The following MON2 variants were observed in gnomAD, a reference collection of about 807,000 sequenced individuals.
MON2 encodes the protein protein MON2 homolog.
Under a neutral mutation model 208.6 loss-of-function variants are expected in MON2, and 84 were observed. That is an observed-to-expected ratio of 0.40 (90% CI 0.34 to 0.48). The LOEUF is 0.48. Ranked by LOEUF, MON2 falls within the 20% of genes least tolerant of loss-of-function variation. The probability of loss-of-function intolerance (pLI) is 0.59; values close to 1 mark genes in which losing one functional copy is unlikely to be tolerated. For synonymous variants in MON2, 660 were observed against 694.0 expected (o/e 0.95, Z 0.77); for missense variants, 1,611 against 2,015.4 (o/e 0.80, Z 3.84).
chr12:62,549,658 T>C lies in MON2; in HGVS notation c.2754-10T>C. 1 of 1,581,828 alleles carries C rather than the reference T, an allele frequency of 6.3e-7. No homozygotes were observed. On this transcript the variant is annotated splice_polypyrimidine_tract_variant and intron_variant, in intron 22 of 34. Coordinates refer to ENST00000393630, the MANE Select transcript of MON2 (RefSeq NM_015026.3). Reference sequence around the variant, plus strand: ...ATAAGTGCATCTGTATACATTTCTTTTGTTTTCAGAGAATCCTTGATACGA... The same window carrying C: ...ATAAGTGCATCTGTATACATTTCTTCTGTTTTCAGAGAATCCTTGATACGA...
intron 2 of MON2, among the ~76,000 whole-genome samples, chr12:62,491,166 T>C (rs1164706570): frequency 2.7e-4 from 41 of 152,294 alleles, no homozygotes; most frequent in Non-Finnish European, 1.2e-4. Flanking sequence ...ACCCTAGTTA[T>C]TGAAAACTTT....
intron 29 of MON2, among the ~76,000 whole-genome samples, chr12:62,567,795 G>GT (rs2074437804): frequency 1.3e-5 from 2 of 152,202 alleles, no homozygotes. Context: ...TAATACTACA[G>GT]TATGTTAAGT....
intron 29 of MON2, among the ~76,000 whole-genome samples, chr12:62,566,946 G>C (rs1245091039): frequency 1.2e-4 from 19 of 152,172 alleles, no homozygotes; most frequent in Admixed American, 1.2e-3. Flanking sequence ...GGGTTTCTTA[G>C]GACAATATTC....
At chr12:62,475,562 T>C (rs918287675) in intron 1 of MON2, among the ~76,000 whole-genome samples, 2 of 151,666 alleles carry the variant, frequency 1.3e-5, no homozygotes, top group African/African-American at 2.4e-5. Flanking sequence ...ATTTAGCATT[T>C]AGTAATTTAG....
chr12:62,534,887 G>A lies in MON2; in HGVS notation c.1676G>A (p.Cys559Tyr). 6.2e-7 allele frequency: 1 copy of A among 1,612,318 alleles called. No individual in the cohort carries two copies. The highest frequency in any genetic ancestry group is 1.3e-5 in the African/African-American group (1 of 74,828). The part of the protein sequence containing the change: ...VWEEMVNACW[C>Y]GLLAALSLLL... ...GAAGAAATGGTGAATGCCTGCTGGT[G>A]TGGTCTTCTTGCTGCACTCTCACTC... Residue 559 changes from cysteine (C) to tyrosine (Y), a missense_variant, in exon 13 of 35, where the codon TGT becomes TAT. By Grantham distance (194) the Cys-to-Tyr change is radical (BLOSUM62 -2). Transcript: ENST00000393630.
At position 62,579,604 on chromosome 12, in the gene MON2, T is replaced by C. The variant is rs1283095158; in HGVS notation, c.4576-693T>C. Reference sequence around the variant, plus strand: ...AGCTGGGCGTGGTGGTGGGCCCCTGTAGTCCCAGCTACTTGGGAGGCTGAG... The same window carrying C: ...AGCTGGGCGTGGTGGTGGGCCCCTGCAGTCCCAGCTACTTGGGAGGCTGAG... On this transcript the variant is annotated intron_variant, in intron 31 of 34. Transcript: ENST00000393630. 5.3e-5 allele frequency among the ~76,000 whole-genome samples: 8 copies of C among 150,680 alleles called. No individual in the cohort carries two copies. The East Asian group carries it at 1.6e-3, about 29-fold the overall frequency.
Position 62,546,154 on chromosome 12 carries a change from A to G in MON2, c.2578-743A>G, listed in dbSNP as rs184537336. Reference sequence around the variant, plus strand: ...ATTTTTTATAAGTATTATAGCTTCTATTACTACATCACACTTGAGAATTTT... The same window carrying G: ...ATTTTTTATAAGTATTATAGCTTCTGTTACTACATCACACTTGAGAATTTT... On this transcript the variant is annotated intron_variant, in intron 21 of 34. Transcript: ENST00000393630. Among the ~76,000 whole-genome samples the G allele has an allele frequency of 1.5e-4, 23 of 152,250 alleles. 1 individual carries two copies. In the East Asian group the frequency reaches 4.3e-3, roughly 28 times the overall value.
At chr12:62,553,229 A>G in intron 24 of MON2, 55 bp downstream of exon 24, 1 of 1,409,666 alleles carries the variant, frequency 7.1e-7, no homozygotes, top group Non-Finnish European at 9.7e-7. Context: ...TTATATATTA[A>G]TACTTTTTCA....
intron 32 of MON2, 108 bp from the exon 33 acceptor site, chr12:62,585,186 T>C (rs994353467): frequency 1.2e-6 from 1 of 832,184 alleles, no homozygotes; most frequent in Non-Finnish European, 1.9e-6. Context: ...CTAGGTGCCT[T>C]TCACCAGATT....
chr12:62,514,186 G>A (rs914346431), intron 8 of MON2, among the ~76,000 whole-genome samples: 1 of 152,130 alleles, frequency 6.6e-6, no homozygotes, highest in African/African-American at 2.4e-5. Flanking sequence ...TTTGGTCAAA[G>A]CCATTCAAGT....
At chr12:62,559,051 G>A (rs1212617374) in intron 25 of MON2, among the ~76,000 whole-genome samples, 2 of 152,062 alleles carry the variant, frequency 1.3e-5, no homozygotes, top group African/African-American at 4.8e-5. Flanking sequence ...AACTAGGCAG[G>A]TGTTACAGTT....
Position 62,466,943 on chromosome 12 carries a change from C to T in MON2, c.-265C>T, listed in dbSNP as rs1244841864. ...GGCCCCGCGGCAGCGGAGGGACCTG[C>T]CCGCCTTGTGGGTTTCTCGGCCAGA... On this transcript the variant is annotated 5_prime_UTR_variant, in exon 1 of 35. Transcript: ENST00000393630. The T allele has an allele frequency of 3.9e-6, 2 of 513,038 alleles. No individual in the cohort carries two copies. The highest frequency in any genetic ancestry group is 3.3e-5 in the East Asian group (1 of 30,196). The allele number at this position is 513,038 out of a possible 1,614,324, so 31.8% of individuals were successfully genotyped here. A position where few individuals can be genotyped will look rare whatever the true frequency, so the allele number is the denominator to read the frequency against.
chr12:62,467,356 C>T lies in MON2; in HGVS notation c.111+38C>T, dbSNP rs533078819. 14 of 1,512,028 alleles carry T rather than the reference C, an allele frequency of 9.3e-6. No individual in the cohort carries two copies. The South Asian group carries it at 1.6e-4, about 17-fold the overall frequency. 93.7% of individuals were successfully genotyped at this position (1,512,028 alleles called of 1,614,324 possible). ...TGACGTCAGGAGAAGGCACTGTGAG[C>T]ATGCCTGGTCCTGTTAGACTCAGTG... On this transcript the variant is annotated intron_variant, in intron 1 of 34. Coordinates refer to ENST00000393630, the MANE Select transcript of MON2 (RefSeq NM_015026.3).
chr12:62,582,257 A>C (rs2136462770), intron 32 of MON2, among the ~76,000 whole-genome samples: 1 of 152,354 alleles, frequency 6.6e-6, no homozygotes, highest in South Asian at 2.1e-4. Context: ...TTTTCTGATA[A>C]TATATCTTGC....
Position 62,567,855 on chromosome 12 carries a change from G to C in MON2, c.4323+1405G>C, listed in dbSNP as rs572857913. On this transcript the variant is annotated intron_variant, in intron 29 of 34. Transcript: ENST00000393630. Reference sequence around the variant, plus strand: ...CTTTGCATTCAGATAGCCTGACTTCGAATAGTCCACTGTTACTGGCTTACT... The same window carrying C: ...CTTTGCATTCAGATAGCCTGACTTCCAATAGTCCACTGTTACTGGCTTACT... Among the ~76,000 whole-genome samples, 8 of 152,272 alleles carry C rather than the reference G, an allele frequency of 5.3e-5. No individual in the cohort carries two copies. In the South Asian group the frequency reaches 1.5e-3, roughly 28 times the overall value.
At chr12:62,588,241 T>C (rs2075281826) in intron 34 of MON2, 85 bp downstream of exon 34, 3 of 906,130 alleles carry the variant, frequency 3.3e-6, no homozygotes, top group Non-Finnish European at 5.1e-6. Context: ...TTAACTGAAT[T>C]ATAGGAACAT....
chr12:62,511,997 C>CG (rs1434592496), intron 8 of MON2, among the ~76,000 whole-genome samples: 1 of 152,006 alleles, frequency 6.6e-6, no homozygotes, highest in Admixed American at 6.6e-5. Context: ...GGGAAACCCC[C>CG]CTTTTAAAAC....
chr12:62,552,190 C>G (rs7300630), intron 23 of MON2, among the ~76,000 whole-genome samples: 57,829 of 151,818 alleles, frequency 0.38, 11,359 homozygotes, highest in African/African-American at 0.47. Context: ...TTTGGGTATG[C>G]AGTGGGAGGT....
At chr12:62,500,338 A>G (rs555964094) in intron 5 of MON2, among the ~76,000 whole-genome samples, 200 of 152,360 alleles carry the variant, frequency 1.3e-3, no homozygotes, top group African/African-American at 4.4e-3. Context: ...GCTGGTGAGT[A>G]TCTGTAACTG....
Sources: allele counts gnomAD v4.1 joint callset (sites outside exome capture counted in the v4.1 genomes callset), GRCh38; gene constraint gnomAD v4.1.1; transcripts MANE v1.5; gene names NCBI Gene and HGNC (gene_info 2026-07-23, HGNC 2026-07-21).